The following SLC14A2 variants were observed in gnomAD, a reference collection of about 807,000 sequenced individuals.
SLC14A2 encodes urea transporter 2.
SLC14A2 carries 91 observed loss-of-function variants against 104.6 expected under a neutral mutation model. The ratio of observed to expected loss-of-function variants is 0.87; its 90% CI spans 0.73 to 1.04. The LOEUF (loss-of-function observed/expected upper bound fraction) is 1.04, where lower values mean the gene tolerates loss of function less well. Among genes scored for constraint, SLC14A2 ranks in the 50% least tolerant of loss-of-function variants. The pLI is 0.00. For missense variants in SLC14A2, 1,189 were observed against 1,156.0 expected (o/e 1.03, Z -0.41); for synonymous variants, 476 against 466.4 (o/e 1.02, Z -0.27).
At chr18:45,287,730 C>T (rs1317297266) in intron 1 of SLC14A2, among the ~76,000 whole-genome samples, 2 of 152,176 alleles carry the variant, frequency 1.3e-5, no homozygotes, top group African/African-American at 4.8e-5. Context: ...GCCTTTGGAT[C>T]GCTGCCCGGG....
intron 1 of SLC14A2, among the ~76,000 whole-genome samples, chr18:45,290,884 C>A (rs1364046760): frequency 6.6e-6 from 1 of 152,124 alleles, no homozygotes; most frequent in Non-Finnish European, 1.5e-5. Flanking sequence ...AGCTGTACAA[C>A]TTCTCTAATT....
intron 1 of SLC14A2, among the ~76,000 whole-genome samples, chr18:45,343,066 G>A (rs1447952602): frequency 2.6e-5 from 4 of 151,888 alleles, no homozygotes; most frequent in Middle Eastern, 3.2e-3. Context: ...AAACTGGATA[G>A]AGGAACCTAA....
At chr18:45,329,192 T>C (rs2085265615) in intron 1 of SLC14A2, among the ~76,000 whole-genome samples, 1 of 152,230 alleles carries the variant, frequency 6.6e-6, no homozygotes, top group South Asian at 2.1e-4. Context: ...TGATTGCCAA[T>C]GTCTTATTTC....
At chr18:45,425,275 G>A (rs1453655802) in intron 1 of SLC14A2, among the ~76,000 whole-genome samples, 1 of 152,182 alleles carries the variant, frequency 6.6e-6, no homozygotes, top group Non-Finnish European at 1.5e-5. Context: ...ATTAATGTAA[G>A]AGATATGTAA....
chr18:45,433,062 T>C (rs766763329), intron 1 of SLC14A2, among the ~76,000 whole-genome samples: 3 of 152,128 alleles, frequency 2.0e-5, no homozygotes, highest in African/African-American at 7.2e-5. Flanking sequence ...CATCAACTTT[T>C]CTCTTTCACT....
chr18:45,171,056 G>A, the SLC14A2 span, among the ~76,000 whole-genome samples: 2 of 152,086 alleles, frequency 1.3e-5, no homozygotes, highest in Non-Finnish European at 2.9e-5. Context: ...ATAGGATCTG[G>A]GGAAAAGAAG....
Position 45,472,434 on chromosome 18 carries a change from T to A in SLC14A2, c.-124-10799T>A, listed in dbSNP as rs533058192. ...GTCAAATGGTATTTCTGGTTCTAGA[T>A]CCTTGAGGAATCGCCACACTGTCTT... On this transcript the variant is annotated intron_variant, in intron 1 of 20. Coordinates refer to the SLC14A2 transcript ENST00000586448. Among the ~76,000 whole-genome samples, 10 of 152,312 alleles carry A rather than the reference T, an allele frequency of 6.6e-5. No individual in the cohort carries two copies. In the South Asian group the frequency reaches 2.1e-3, roughly 32 times the overall value.
chr18:45,598,216 A>T (rs1014932241), intron 2 of SLC14A2, among the ~76,000 whole-genome samples: 3 of 152,178 alleles, frequency 2.0e-5, no homozygotes, highest in African/African-American at 7.2e-5. Context: ...GTGCCCACGT[A>T]GGTTATCTCT....
At chr18:45,317,760 T>A (rs990644132) in intron 1 of SLC14A2, among the ~76,000 whole-genome samples, 1 of 152,230 alleles carries the variant, frequency 6.6e-6, no homozygotes, top group Non-Finnish European at 1.5e-5. Flanking sequence ...ACACTCTGAA[T>A]GCCCTGGGCT....
At chr18:45,474,241 C>T (rs1396256478) in intron 1 of SLC14A2, among the ~76,000 whole-genome samples, 3 of 152,036 alleles carry the variant, frequency 2.0e-5, no homozygotes, top group South Asian at 2.1e-4. Context: ...TTGATCGTGG[C>T]GGATAAGCTT....
intron 2 of SLC14A2, among the ~76,000 whole-genome samples, chr18:45,552,739 T>C (rs778045766): frequency 9.9e-5 from 15 of 152,148 alleles, no homozygotes; most frequent in Non-Finnish European, 1.9e-4. Flanking sequence ...AGGTGTGTGA[T>C]GGGCAGAGGG....
chr18:45,495,877 C>A (rs1447653542), intron 2 of SLC14A2, among the ~76,000 whole-genome samples: 1 of 152,194 alleles, frequency 6.6e-6, no homozygotes, highest in East Asian at 1.9e-4. Context: ...AGACCAAGTG[C>A]TGCTATCCCA....
At chr18:45,535,899 T>C (rs749298832) in intron 2 of SLC14A2, among the ~76,000 whole-genome samples, 1 of 152,194 alleles carries the variant, frequency 6.6e-6, no homozygotes, top group Non-Finnish European at 1.5e-5. Context: ...ACAGATCTGT[T>C]TCTTGCCCTA....
intron 1 of SLC14A2, among the ~76,000 whole-genome samples, chr18:45,261,133 AG>A (rs1317318149): frequency 6.6e-6 from 1 of 151,598 alleles, no homozygotes; most frequent in Non-Finnish European, 1.5e-5. Context: ...ATTTAACATT[AG>A]GTATATCTCC....
intron 1 of SLC14A2, among the ~76,000 whole-genome samples, chr18:45,428,646 AG>A (rs973468915): frequency 2.0e-5 from 3 of 152,220 alleles, no homozygotes; most frequent in African/African-American, 4.8e-5. Flanking sequence ...AGTAGAAAGG[AG>A]GGAACTATGT....
intron 1 of SLC14A2, among the ~76,000 whole-genome samples, chr18:45,238,405 A>C (rs1289545755): frequency 6.6e-6 from 1 of 152,192 alleles, no homozygotes; most frequent in African/African-American, 2.4e-5. Flanking sequence ...CAAGATCCAA[A>C]AGGTAAGATG....
intron 1 of SLC14A2, among the ~76,000 whole-genome samples, chr18:45,225,765 T>C (rs2084109746): frequency 6.6e-6 from 1 of 152,098 alleles, no homozygotes; most frequent in African/African-American, 2.4e-5. Context: ...TGAATGGGAG[T>C]TCACTCATGA....
intron 1 of SLC14A2, among the ~76,000 whole-genome samples, chr18:45,480,469 A>T (rs2087470427): frequency 6.6e-6 from 1 of 152,296 alleles, no homozygotes; most frequent in African/African-American, 2.4e-5. Context: ...CAACACTAAG[A>T]TAGGTAGAAC....
chr18:45,641,125 CA>C (rs2045520576), intron 7 of SLC14A2, 83 bp from the exon 8 acceptor site: 6 of 1,460,644 alleles, frequency 4.1e-6, no homozygotes, highest in Non-Finnish European at 5.7e-6. Context: ...GCATGGAGGC[CA>C]CTCTGAGACC....
Sources: gnomAD v4.1 joint callset for allele counts (sites outside exome capture counted in the v4.1 genomes callset) on GRCh38, gnomAD v4.1.1 for gene constraint, MANE v1.5 for transcripts, NCBI Gene and HGNC (gene_info 2026-07-23, HGNC 2026-07-21) for gene names.